CLK1: variants seen among roughly 807,000 people sequenced by gnomAD.
CLK1 encodes the protein dual specificity protein kinase CLK1.
A neutral mutation model predicts 60.9 loss-of-function variants in CLK1; 40 were observed. That is an observed-to-expected ratio of 0.66 (90% CI 0.51 to 0.86). The LOEUF is 0.86. Ranked by LOEUF, CLK1 falls within the 40% of genes least tolerant of loss-of-function variation. The pLI is 0.00. For synonymous variants in CLK1, 203 were observed against 184.4 expected, an observed-to-expected ratio of 1.10 and a Z score of -0.82; for missense variants, 563 against 606.1, an observed-to-expected ratio of 0.93 and a Z score of 0.75.
intron 9 of CLK1, among the ~76,000 whole-genome samples, chr2:200,856,330 A>C (rs2039042994): frequency 3.3e-5 from 5 of 151,918 alleles, no homozygotes; most frequent in Admixed American, 2.6e-4. Flanking sequence ...TTGGCCTCCC[A>C]AAGTGCTGGG....
intron 11 of CLK1, 39 bp from the exon 12 acceptor site, chr2:200,854,032 GA>G: frequency 7.0e-7 from 1 of 1,426,018 alleles, no homozygotes; most frequent in South Asian, 1.2e-5. Flanking sequence ...TTATAACACT[GA>G]AAACTTAAAA....
intron 9 of CLK1, among the ~76,000 whole-genome samples, chr2:200,855,630 C>CA (rs1023988151): frequency 6.7e-4 from 79 of 117,892 alleles, no homozygotes; most frequent in Non-Finnish European, 9.7e-4. Context: ...GCCCCCCCCC[C>CA]AAAAAATTAT....
chr2:200,858,414 A>G (rs2039079297), intron 5 of CLK1, among the ~76,000 whole-genome samples: 1 of 152,154 alleles, frequency 6.6e-6, no homozygotes, highest in Non-Finnish European at 1.5e-5. Flanking sequence ...GAGCTCTAGG[A>G]CCGGGAGCAG....
chr2:200,860,960 T>G, intron 3 of CLK1: 1 of 1,193,518 alleles, frequency 8.4e-7, no homozygotes. Context: ...TTTAGAATAT[T>G]TTGTAATAAT....
chr2:200,853,679 GAAAAA>G (rs34449560), intron 12 of CLK1, among the ~76,000 whole-genome samples: 42 of 49,114 alleles, frequency 8.6e-4, no homozygotes, highest in Admixed American at 2.0e-3. Context: ...GTCTTTACTT[GAAAAA>G]AAAAAAAAAA....
chr2:200,863,745 C>A (rs1395049598), intron 1 of CLK1, among the ~76,000 whole-genome samples: 1 of 151,994 alleles, frequency 6.6e-6, no homozygotes, highest in Non-Finnish European at 1.5e-5. Context: ...TCCCAGCTAT[C>A]CCGGAGGCTG....
At chr2:200,860,928 T>C in intron 3 of CLK1, 2 of 1,126,006 alleles carry the variant, frequency 1.8e-6, no homozygotes, top group Non-Finnish European at 2.2e-6. Flanking sequence ...ATCAGGTTTC[T>C]TGAAGTACCA....
intron 9 of CLK1, among the ~76,000 whole-genome samples, chr2:200,856,056 T>C (rs998237495): frequency 4.0e-5 from 6 of 151,644 alleles, no homozygotes; most frequent in African/African-American, 4.8e-5. Context: ...GTGTTATATA[T>C]AGTCTGGAAT....
rs141584383 is a variant in CLK1 at position 200,855,513 on chromosome 2, T to C, written c.1058-427A>G. Among the ~76,000 whole-genome samples, 97 of 152,060 alleles carry C rather than the reference T, an allele frequency of 6.4e-4. 2 individuals carry two copies. The East Asian group carries it at 0.018, about 29-fold the overall frequency. ...GGTGGCAGGCACCTGTAGTCCCAGC[T>C]ACTCAGGAGGCTGAGGTGGGACAAT... On this transcript the variant is annotated intron_variant, in intron 9 of 12. Transcript: ENST00000321356.
At chr2:200,863,807 T>C (rs2039183492) in intron 1 of CLK1, among the ~76,000 whole-genome samples, 1 of 151,966 alleles carries the variant, frequency 6.6e-6, no homozygotes, top group South Asian at 2.1e-4. Flanking sequence ...TGACTCGAGA[T>C]CGCGCCACTA....
At chr2:200,856,337 TG>T (rs1186977455) in intron 9 of CLK1, among the ~76,000 whole-genome samples, 1 of 152,058 alleles carries the variant, frequency 6.6e-6, no homozygotes, top group Non-Finnish European at 1.5e-5. Context: ...CCCAAAGTGC[TG>T]GGATTACAGA....
chr2:200,853,162 A>T lies in CLK1; in HGVS notation c.*144T>A. The T allele has an allele frequency of 1.7e-6, 1 of 587,962 alleles. No individual in the cohort carries two copies. The highest frequency in any genetic ancestry group is 2.8e-6 in the Non-Finnish European group (1 of 351,472). The allele number at this position is 587,962 out of a possible 1,614,324, so 36.4% of individuals were successfully genotyped here. A position where few individuals can be genotyped will look rare whatever the true frequency, so the allele number is the denominator to read the frequency against. The stretch of plus-strand genomic sequence containing the variant: ...TGTTCATTACCTTAGCTATGTACTT[A>T]ATGAACCAAATTACCCAAACAAAAT... On this transcript the variant is annotated 3_prime_UTR_variant, in exon 13 of 13. Transcript: ENST00000321356.
intron 7 of CLK1, 135 bp from the exon 8 acceptor site, chr2:200,857,120 A>G: frequency 4.4e-6 from 3 of 680,402 alleles, no homozygotes; most frequent in South Asian, 3.5e-5. Context: ...AGCCTGACCA[A>G]TATGGTGAAA....
At chr2:200,857,277 G>C (rs2039059267) in intron 7 of CLK1, 1 of 339,508 alleles carries the variant, frequency 2.9e-6, no homozygotes, top group Non-Finnish European at 5.4e-6. Context: ...CTGCACTTCA[G>C]CCTGAACAAC....
intron 1 of CLK1, chr2:200,864,175 A>T: frequency 6.4e-7 from 1 of 1,551,030 alleles, no homozygotes; most frequent in South Asian, 1.2e-5. Flanking sequence ...CTCAACGGGG[A>T]GCCTCGCCTT....
Position 200,858,041 on chromosome 2 carries a change from GTATC to G in CLK1, c.593_596del (p.Arg198ThrfsTer15). ...GTATTTCTGAGCGAGCAGCTTCACA[GTATC>G]TATCCACATTTTTAACTATTTTTAC... On this transcript the variant is annotated frameshift_variant, in exon 6 of 13. Transcript: ENST00000321356. LOFTEE classifies it high-confidence loss of function. 1 of 1,613,970 alleles carries G rather than the reference GTATC, an allele frequency of 6.2e-7. No individual in the cohort carries two copies. The highest frequency in any genetic ancestry group is 1.3e-5 in the African/African-American group (1 of 75,034).
rs2038974345 is a variant in CLK1 at position 200,853,234 on chromosome 2, A to G, written c.*72T>C. ...TTAAGAATTTACAAAGCTGTACAAA[A>G]TAACTTAAAATTTAAAAATTAGACT... On this transcript the variant is annotated 3_prime_UTR_variant, in exon 13 of 13. Coordinates refer to ENST00000321356, the MANE Select transcript of CLK1 (RefSeq NM_004071.4). 2.5e-6 allele frequency: 3 copies of G among 1,184,268 alleles called. No individual in the cohort carries two copies. The highest frequency in any genetic ancestry group is 3.4e-5 in the South Asian group (2 of 58,316). The allele number at this position is 1,184,268 out of a possible 1,614,324, so 73.4% of individuals were successfully genotyped here.
intron 5 of CLK1, among the ~76,000 whole-genome samples, chr2:200,859,181 C>T (rs958239392): frequency 2.0e-5 from 3 of 149,134 alleles, no homozygotes; most frequent in Non-Finnish European, 4.4e-5. Flanking sequence ...GACTCTGTCT[C>T]GAGAAAAAAA....
chr2:200,859,145 G>A (rs2039094092), intron 5 of CLK1, among the ~76,000 whole-genome samples: 1 of 152,010 alleles, frequency 6.6e-6, no homozygotes, highest in African/African-American at 2.4e-5. Context: ...TTGCGCCACT[G>A]CACTCCACCC....
Sources: gnomAD v4.1 joint callset for allele counts (sites outside exome capture counted in the v4.1 genomes callset) on GRCh38, gnomAD v4.1.1 for gene constraint, MANE v1.5 for transcripts, NCBI Gene and HGNC (gene_info 2026-07-23, HGNC 2026-07-21) for gene names.